Variants in ISY1 observed in about 807,000 individuals in gnomAD.
ISY1 encodes pre-mRNA-splicing factor ISY1 homolog.
ISY1 carries 12 observed loss-of-function variants against 54.4 expected under a neutral mutation model. The observed-to-expected ratio is 0.22, with a 90% CI of 0.14 to 0.36. The LOEUF is 0.36. Ranked by LOEUF, ISY1 falls within the 10% of genes least tolerant of loss-of-function variation. The pLI is 1.00. For missense variants in ISY1, 282 were observed against 342.2 expected, an observed-to-expected ratio of 0.82 and a Z score of 1.39; for synonymous variants, 96 against 117.9, an observed-to-expected ratio of 0.81 and a Z score of 1.20.
At chr3:129,147,354 G>T (rs757238301) in intron 5 of ISY1, among the ~76,000 whole-genome samples, 2 of 152,112 alleles carry the variant, frequency 1.3e-5, no homozygotes, top group South Asian at 4.1e-4. Flanking sequence ...TCCAGCCTGG[G>T]TGACAGGGCA....
rs745438915 is a variant in ISY1 at position 129,134,077 on chromosome 3, C to T, written c.660G>A (p.Glu220=). 1.9e-6 allele frequency: 3 copies of T among 1,614,080 alleles called. No individual in the cohort carries two copies. Among genetic ancestry groups the T allele is most frequent in the Non-Finnish European group, 2.5e-6 (3 of 1,180,050 alleles). The change falls in exon 9 of 11, where the codon GAG becomes GAA. Residue 220 remains glutamate (E), a synonymous_variant. Transcript: ENST00000393295. ...CAGAGGGGGCCAACCCCAATACCTC[C>T]TCCTCGGTGACTGCATAGATGTTGA... is the stretch of plus-strand genomic sequence containing the variant. The part of the protein sequence containing the change: ...EEINIYAVTE[E]ESDEEGSQEK...
At chr3:129,153,166 T>C (rs1388057429) in intron 5 of ISY1, among the ~76,000 whole-genome samples, 1 of 152,028 alleles carries the variant, frequency 6.6e-6, no homozygotes, top group East Asian at 1.9e-4. Flanking sequence ...TGCGTCACCA[T>C]GCCTGGCTAA....
chr3:129,143,943 T>C (rs1936699998), intron 6 of ISY1: 1 of 169,156 alleles, frequency 5.9e-6, no homozygotes, highest in Non-Finnish European at 1.3e-5. Context: ...ATATTACTTT[T>C]ATATGTAGAA....
At chr3:129,135,200 A>C (rs532399328) in intron 7 of ISY1, among the ~76,000 whole-genome samples, 1 of 152,212 alleles carries the variant, frequency 6.6e-6, no homozygotes, top group African/African-American at 2.4e-5. Context: ...TACAAAAATT[A>C]GCCGGGCGTG....
chr3:129,132,777 A>ATG (rs1936273413), intron 9 of ISY1, among the ~76,000 whole-genome samples: 1 of 152,262 alleles, frequency 6.6e-6, no homozygotes, highest in Non-Finnish European at 1.5e-5. Flanking sequence ...CTGAGAGAGC[A>ATG]AATGAATATT....
chr3:129,133,877 G>A lies in ISY1; in HGVS notation c.663+197C>T, dbSNP rs557428868. Reference sequence around the variant, plus strand: ...AGAAGGAAGCCCTGGTGTAAAGCACGGCCGGCAGGGCACTCTCATGGCTGC... The same window carrying A: ...AGAAGGAAGCCCTGGTGTAAAGCACAGCCGGCAGGGCACTCTCATGGCTGC... On this transcript the variant is annotated intron_variant, in intron 9 of 10. Coordinates refer to ENST00000393295, the MANE Select transcript of ISY1 (RefSeq NM_020701.4). Among the ~76,000 whole-genome samples the A allele has an allele frequency of 2.2e-4, 33 of 152,286 alleles. 1 individual carries two copies. The highest frequency in any genetic ancestry group is 6.5e-5 in the Admixed American group (1 of 15,292).
chr3:129,140,497 G>GA lies in ISY1; in HGVS notation c.301-13dup, dbSNP rs748684310. 1.3e-5 allele frequency: 21 copies of GA among 1,584,520 alleles called. No homozygotes were observed. The highest frequency in any genetic ancestry group is 2.0e-5 in the Admixed American group (1 of 50,480). On this transcript the variant is annotated splice_polypyrimidine_tract_variant and intron_variant, in intron 6 of 10. Transcript: ENST00000393295. ...TTAGGGCCAACTTTCTTATTGGGAA[G>GA]AAAAAAAGAGAAAATGGATCTGTTA... is the stretch of plus-strand genomic sequence containing the variant.
chr3:129,142,207 G>GA (rs11324480), intron 6 of ISY1, among the ~76,000 whole-genome samples: 91 of 120,642 alleles, frequency 7.5e-4, no homozygotes, highest in African/African-American at 2.6e-3. Context: ...ACTCTGTCTC[G>GA]AAAAAAAAAA....
Position 129,142,209 on chromosome 3 carries a change from A to G in ISY1, c.301-1724T>C, listed in dbSNP as rs76681927. ...ACGACAGAGCGAGACTCTGTCTCGAAAAAAAAAAAAAAAAAGACGATTTGA... is the reference window on the plus strand; with the variant it reads ...ACGACAGAGCGAGACTCTGTCTCGAGAAAAAAAAAAAAAAAGACGATTTGA... On this transcript the variant is annotated intron_variant, in intron 6 of 10. Coordinates refer to ENST00000393295, the MANE Select transcript of ISY1 (RefSeq NM_020701.4). Among the ~76,000 whole-genome samples, 9 of 1,912 alleles carry G rather than the reference A, an allele frequency of 4.7e-3. No individual in the cohort carries two copies. The Non-Finnish European group carries it at 0.071, about 15-fold the overall frequency. The allele number at this position is 1,912 out of a possible 152,430, so 1.3% of individuals were successfully genotyped here. A position where few individuals can be genotyped will look rare whatever the true frequency, so the allele number is the denominator to read the frequency against.
chr3:129,152,469 T>C (rs1937003739), intron 5 of ISY1, among the ~76,000 whole-genome samples: 1 of 151,970 alleles, frequency 6.6e-6, no homozygotes, highest in Non-Finnish European at 1.5e-5. Context: ...AGTGGTGCAA[T>C]CTCGGCTCAC....
chr3:129,157,355 G>A (rs548400356), intron 3 of ISY1, among the ~76,000 whole-genome samples: 18 of 152,026 alleles, frequency 1.2e-4, no homozygotes, highest in South Asian at 4.2e-4. Context: ...ATAATTTACC[G>A]GTTTCAGCTT....
At position 129,140,860 on chromosome 3, in the gene ISY1, C is replaced by T. The variant is rs373785437; in HGVS notation, c.301-375G>A. 5.9e-5 allele frequency among the ~76,000 whole-genome samples: 9 copies of T among 152,006 alleles called. No homozygotes were observed. In the East Asian group the frequency reaches 1.6e-3, roughly 27 times the overall value. On this transcript the variant is annotated intron_variant, in intron 6 of 10. Coordinates refer to ENST00000393295, the MANE Select transcript of ISY1 (RefSeq NM_020701.4). ...CTGGGATTACAGGCGTGAGCCACTG[C>T]GCCTGGCAGATCTGATCTTTAAACC... is the stretch of plus-strand genomic sequence containing the variant.
rs763537220 is a variant in ISY1, at chr3:129,158,521, T to C, written c.65A>G (p.Glu22Gly). The C allele has an allele frequency of 6.2e-7, 1 of 1,613,994 alleles. No homozygotes were observed. The highest frequency in any genetic ancestry group is 8.5e-7 in the Non-Finnish European group (1 of 1,180,012). The change falls in exon 3 of 11, where the codon GAG becomes GGG. Residue 22 changes from glutamate (E) to glycine (G), a missense_variant. Around this residue, in one of 2 missense-constraint regions of ISY1, gnomAD observed 279 missense variants for 323.6 expected, o/e 0.86. Coordinates refer to ENST00000393295, the MANE Select transcript of ISY1 (RefSeq NM_020701.4). ...ATTTACACCAACCTTCACTTTTCCC[T>C]CTTCCAGCTGAGCCTGGCGAAATCT... ...LARFRQAQLE[E>G]GKVKERRPFL... is the part of the protein sequence containing the mutation.
At chr3:129,138,824 AAAAG>A (rs556346242) in intron 7 of ISY1, among the ~76,000 whole-genome samples, 65 of 151,108 alleles carry the variant, frequency 4.3e-4, no homozygotes, top group African/African-American at 6.9e-4. Flanking sequence ...CAAAAAAAAA[AAAAG>A]AAAGAAAGAA....
intron 5 of ISY1, among the ~76,000 whole-genome samples, chr3:129,152,388 T>C (rs1047501708): frequency 6.6e-6 from 1 of 152,152 alleles, no homozygotes; most frequent in African/African-American, 2.4e-5. Context: ...TGTATTATCC[T>C]TTTTATACAT....
Position 129,156,242 on chromosome 3 carries a change from C to G in ISY1, c.187+391G>C, listed in dbSNP as rs1025303205. ...TGAAACCCTGTCTCTACTGAAAGTA[C>G]AAAAAAATTAGCCGGGCGTGGTTGT... On this transcript the variant is annotated intron_variant, in intron 5 of 10. Transcript: ENST00000393295. 6.6e-5 allele frequency among the ~76,000 whole-genome samples: 10 copies of G among 151,502 alleles called. No individual in the cohort carries two copies. The South Asian group carries it at 2.1e-3, about 32-fold the overall frequency.
In ISY1 at chr3:129,137,140, C is replaced by T. The variant is rs1474876816; in HGVS notation, c.419-2186G>A. 5.5e-5 allele frequency: 16 copies of T among 292,628 alleles called. No individual in the cohort carries two copies. Among genetic ancestry groups the T allele is most frequent in the African/African-American group, 3.2e-4 (14 of 44,008 alleles). The allele number at this position is 292,628 out of a possible 1,614,324, so 18.1% of individuals were successfully genotyped here. On this transcript the variant is annotated intron_variant, in intron 7 of 10. Transcript: ENST00000393295. Reference sequence around the variant, plus strand: ...GTCTTGATCTCCTGACCTTGTGATCCGCCCGCCTCAGCCTCCCAAAGTGCT... The same window carrying T: ...GTCTTGATCTCCTGACCTTGTGATCTGCCCGCCTCAGCCTCCCAAAGTGCT...
At chr3:129,140,301 G>T in intron 7 of ISY1, 67 bp downstream of exon 7, 3 of 1,376,270 alleles carry the variant, frequency 2.2e-6, no homozygotes, top group Non-Finnish European at 3.0e-6. Flanking sequence ...AGAGCAGTTA[G>T]CATATAGCAT....
In ISY1 at chr3:129,128,746, T is replaced by A. The variant is rs527597362; in HGVS notation, c.*1335A>T. The A allele has an allele frequency of 6.5e-6, 1 of 153,012 alleles. No homozygotes were observed. Among genetic ancestry groups the A allele is most frequent in the South Asian group, 2.1e-4 (1 of 4,842 alleles). 9.5% of individuals were successfully genotyped at this position (153,012 alleles called of 1,614,324 possible). ...CCTCCTATTCCCAAACAGCCTGAGC[T>A]GGAGCCCCAGGCCCCAGGAACAGCC... On this transcript the variant is annotated 3_prime_UTR_variant, in exon 11 of 11. Transcript: ENST00000393295.
Sources: allele counts gnomAD v4.1 joint callset (sites outside exome capture counted in the v4.1 genomes callset), GRCh38; gene constraint gnomAD v4.1.1; regional missense constraint gnomAD v4.1.1; transcripts MANE v1.5; gene names NCBI Gene and HGNC (gene_info 2026-07-23, HGNC 2026-07-21).